Variants in NEFL observed in about 807,000 individuals in gnomAD.
NEFL encodes the protein neurofilament light chain.
Under a neutral mutation model 51.6 loss-of-function variants are expected in NEFL, and 36 were observed. The observed-to-expected ratio is 0.70, with a 90% CI of 0.53 to 0.92. NEFL has a LOEUF of 0.92. Among genes scored for constraint, NEFL ranks in the 40% least tolerant of loss-of-function variants. The probability of loss-of-function intolerance (pLI) is 0.00; values close to 1 mark genes in which losing one functional copy is unlikely to be tolerated. For missense variants in NEFL, 671 were observed against 722.0 expected, an observed-to-expected ratio of 0.93 and a Z score of 0.81; for synonymous variants, 332 against 302.5, an observed-to-expected ratio of 1.10 and a Z score of -1.01.
At position 24,952,907 on chromosome 8, in the gene NEFL, C is replaced by G. The variant is rs1476580060; in HGVS notation, c.1535G>C (p.Gly512Ala). The change falls in exon 4 of 4, where the codon GGT (glycine) becomes GCT (alanine). Residue 512 changes from glycine (G) to alanine (A), a missense_variant. Physicochemically the swap from Gly to Ala is moderately conservative, Grantham distance 60. Transcript: ENST00000610854. ...SEEAKEEEEGGEGEEGEETKE... is the reference protein window; with the variant it reads ...SEEAKEEEEGAEGEEGEETKE... ...GGTTTCCTCTCCTTCTTCACCTTCA[C>G]CTCCTTCTTCTTCTTCTTTTGCTTC... 1 of 1,604,710 alleles carries G rather than the reference C, an allele frequency of 6.2e-7. No individual in the cohort carries two copies. The highest frequency in any genetic ancestry group is 1.3e-5 in the African/African-American group (1 of 74,818).
chr8:24,955,974 T>A lies in NEFL; in HGVS notation c.542A>T (p.Glu181Val). ...CTCGGCGTCCTCGCGGCTCAGCACC[T>A]CCTCTTCATAGCGCGCCTGCAGGTT... ...LRNLQARYEE[E>V]VLSREDAEGR... The change falls in exon 1 of 4, where the codon GAG becomes GTG. Residue 181 changes from glutamate (E) to valine (V), a missense_variant. Coordinates refer to ENST00000610854, the MANE Select transcript of NEFL (RefSeq NM_006158.5). The surrounding 1 kb of genome is among the most constrained non-coding windows in gnomAD (Gnocchi z 4.0). 1 of 1,603,078 alleles carries A rather than the reference T, an allele frequency of 6.2e-7. No homozygotes were observed. Among genetic ancestry groups the A allele is most frequent in the Non-Finnish European group, 8.5e-7 (1 of 1,179,096 alleles).
At position 24,955,916 on chromosome 8, in the gene NEFL, G is replaced by A. The variant is rs746664670; in HGVS notation, c.600C>T (p.Asp200=). The A allele has an allele frequency of 1.9e-6, 3 of 1,604,956 alleles. No individual in the cohort carries two copies. Among genetic ancestry groups the A allele is most frequent in the Non-Finnish European group, 2.5e-6 (3 of 1,179,732 alleles). The change falls in exon 1 of 4, where the codon GAC becomes GAT. Residue 200 remains aspartate, a synonymous_variant. Coordinates refer to ENST00000610854, the MANE Select transcript of NEFL (RefSeq NM_006158.5). This position sits in a 1 kb window ranked among gnomAD's most constrained non-coding sequence, Gnocchi z 4.0. ...GRLMEARKGA[D]EAALARAELE... ...GCTCGGCGCGAGCGAGCGCCGCCTC[G>A]TCGGCGCCTTTGCGCGCTTCCATCA...
Position 24,953,693 on chromosome 8 carries a change from G to C in NEFL, c.1272C>G (p.Tyr424Ter). The C allele has an allele frequency of 6.2e-7, 1 of 1,614,006 alleles. No homozygotes were observed. Among genetic ancestry groups the C allele is most frequent in the Middle Eastern group, 1.6e-4 (1 of 6,062 alleles). ...GATAGGAGCTGGTCTGTAAACCGCC[G>C]TAGGCAGATCGGCCAAAGACCTGGG... ...QSSQVFGRSA[Y>*]GGLQTSSYLM... The change falls in exon 3 of 4, where the codon TAC (tyrosine) becomes TAG (stop). Residue 424 changes from tyrosine (Y) to a stop codon, truncating the protein, a stop_gained. Coordinates refer to ENST00000610854, the MANE Select transcript of NEFL (RefSeq NM_006158.5). LOFTEE classifies it high-confidence loss of function.
chr8:24,952,661 T>G lies in NEFL; in HGVS notation c.*149A>C, dbSNP rs1035203466. The G allele has an allele frequency of 2.4e-6, 3 of 1,257,716 alleles. No individual in the cohort carries two copies. The Admixed American group carries it at 7.5e-5, about 31-fold the overall frequency. The allele number at this position is 1,257,716 out of a possible 1,614,324, so 77.9% of individuals were successfully genotyped here. A position where few individuals can be genotyped will look rare whatever the true frequency, so the allele number is the denominator to read the frequency against. On this transcript the variant is annotated 3_prime_UTR_variant, in exon 4 of 4. Transcript: ENST00000610854. ...AAAGAGGAAATTCATAGCACAACAT[T>G]GAATGTCCAACCTAAGTCATCTCAG...
intron 3 of NEFL, among the ~76,000 whole-genome samples, chr8:24,953,194 A>C (rs552437389): frequency 5.3e-5 from 8 of 152,284 alleles, no homozygotes; most frequent in African/African-American, 1.9e-4. Flanking sequence ...TCCAAGACTT[A>C]ACCTCAATAT....
At position 24,951,584 on chromosome 8, in the gene NEFL, A is replaced by G. The variant is rs1421283511; in HGVS notation, c.*1226T>C. 2 of 152,522 alleles carry G rather than the reference A, an allele frequency of 1.3e-5. No individual in the cohort carries two copies. Among genetic ancestry groups the G allele is most frequent in the Admixed American group, 6.5e-5 (1 of 15,286 alleles). The allele number at this position is 152,522 out of a possible 1,614,324, so 9.4% of individuals were successfully genotyped here. ...AGTAGAGACATGCAGAGCAATGTCA[A>G]TGTAACATACAAGCATATTACCTCC... On this transcript the variant is annotated 3_prime_UTR_variant, in exon 4 of 4. Coordinates refer to ENST00000610854, the MANE Select transcript of NEFL (RefSeq NM_006158.5).
In NEFL at chr8:24,952,432, T is replaced by C. The variant is rs17052849; in HGVS notation, c.*378A>G. ...ATTGCACATAACTCAGGGTCTTTAA[T>C]TGCTAACCACCGAAGGTTCAAAGGA... is the stretch of plus-strand genomic sequence containing the variant. On this transcript the variant is annotated 3_prime_UTR_variant, in exon 4 of 4. Transcript: ENST00000610854. The C allele has an allele frequency of 0.042, 7,772 of 185,328 alleles. 275 individuals are homozygous for C. Among genetic ancestry groups the C allele is most frequent in the African/African-American group, 0.11 (4,724 of 42,686 alleles). The allele number at this position is 185,328 out of a possible 1,614,324, so 11.5% of individuals were successfully genotyped here.
rs1803026456 is a variant in NEFL at position 24,955,154 on chromosome 8, G to C, written c.1044+318C>G. 1 of 419,666 alleles carries C rather than the reference G, an allele frequency of 2.4e-6. No homozygotes were observed. The highest frequency in any genetic ancestry group is 2.0e-5 in the African/African-American group (1 of 50,684). The allele number at this position is 419,666 out of a possible 1,614,324, so 26.0% of individuals were successfully genotyped here. On this transcript the variant is annotated intron_variant, in intron 1 of 3. Transcript: ENST00000610854. This position sits in a 1 kb window ranked among gnomAD's most constrained non-coding sequence, Gnocchi z 4.0. Reference sequence around the variant, plus strand: ...GCAAAGTAACTTGTGGTTAATGCAGGTCAGTAGAGAGCTGATCTCACTGCA... The same window carrying C: ...GCAAAGTAACTTGTGGTTAATGCAGCTCAGTAGAGAGCTGATCTCACTGCA...
chr8:24,954,755 T>C (rs1563251524), intron 1 of NEFL, among the ~76,000 whole-genome samples: 1 of 152,092 alleles, frequency 6.6e-6, no homozygotes, highest in Non-Finnish European at 1.5e-5. Context: ...GTATCTAAAT[T>C]ATTTTTTCTA....
At position 24,952,795 on chromosome 8, in the gene NEFL, T is replaced by A; in HGVS notation, c.*15A>T. ...TCGGGAGAATTATTCCTGAAATAAT[T>A]AAGGAAATGGGGGTTCAATCTTTCT... On this transcript the variant is annotated 3_prime_UTR_variant, in exon 4 of 4. Coordinates refer to ENST00000610854, the MANE Select transcript of NEFL (RefSeq NM_006158.5). 6.2e-7 allele frequency: 1 copy of A among 1,613,908 alleles called. No homozygotes were observed. Among genetic ancestry groups the A allele is most frequent in the South Asian group, 1.1e-5 (1 of 91,056 alleles).
rs538481538 is a variant in NEFL, at chr8:24,955,879, T to A, written c.637A>T (p.Ile213Phe). The change falls in exon 1 of 4, where the codon ATC becomes TTC. Residue 213 changes from isoleucine (I) to phenylalanine (F), a missense_variant. Coordinates refer to ENST00000610854, the MANE Select transcript of NEFL (RefSeq NM_006158.5). This position sits in a 1 kb window ranked among gnomAD's most constrained non-coding sequence, Gnocchi z 4.0. ...GAGATTTCGTCCATCAAGCTGTCGA[T>A]GCGCTTCTCGAGCTCGGCGCGAGCG... Reference protein sequence around the residue: ...ALARAELEKRIDSLMDEISFL... With the variant: ...ALARAELEKRFDSLMDEISFL... The A allele has an allele frequency of 6.2e-7, 1 of 1,607,698 alleles. No individual in the cohort carries two copies. Among genetic ancestry groups the A allele is most frequent in the African/African-American group, 1.3e-5 (1 of 75,062 alleles).
Position 24,952,600 on chromosome 8 carries a change from A to G in NEFL, c.*210T>C, listed in dbSNP as rs935992942. ...TCCATGCACAGGCTGGCAGCAAGCC[A>G]GAAAGCCACTCTGCAAGCAAACAGA... On this transcript the variant is annotated 3_prime_UTR_variant, in exon 4 of 4. Coordinates refer to ENST00000610854, the MANE Select transcript of NEFL (RefSeq NM_006158.5). 1.2e-5 allele frequency: 9 copies of G among 720,906 alleles called. No homozygotes were observed. The highest frequency in any genetic ancestry group is 3.9e-4 in the Middle Eastern group (1 of 2,544). 44.7% of individuals were successfully genotyped at this position (720,906 alleles called of 1,614,324 possible).
rs1773687779 is a variant in NEFL, at chr8:24,952,203, C to T, written c.*607G>A. 1 of 152,440 alleles carries T rather than the reference C, an allele frequency of 6.6e-6. No individual in the cohort carries two copies. The highest frequency in any genetic ancestry group is 6.6e-5 in the Admixed American group (1 of 15,262). The allele number at this position is 152,440 out of a possible 1,614,324, so 9.4% of individuals were successfully genotyped here. A position where few individuals can be genotyped will look rare whatever the true frequency, so the allele number is the denominator to read the frequency against. ...TGTGGGGAGAGATTTCACAAGTAAT[C>T]ATGACATAACTGTATCCCTCAGAAT... On this transcript the variant is annotated 3_prime_UTR_variant, in exon 4 of 4. Coordinates refer to ENST00000610854, the MANE Select transcript of NEFL (RefSeq NM_006158.5).
Position 24,956,427 on chromosome 8 carries a change from CGCACGCTGGAGATGT to C in NEFL, c.74_88del (p.His25_Val29del). 2 of 1,602,966 alleles carry C rather than the reference CGCACGCTGGAGATGT, an allele frequency of 1.2e-6. No individual in the cohort carries two copies. Among genetic ancestry groups the C allele is most frequent in the Non-Finnish European group, 1.7e-6 (2 of 1,175,460 alleles). On this transcript the variant is annotated inframe_deletion, in exon 1 of 4. Coordinates refer to ENST00000610854, the MANE Select transcript of NEFL (RefSeq NM_006158.5). The surrounding 1 kb of genome is among the most constrained non-coding windows in gnomAD (Gnocchi z 5.9). ...TGAGCGTGCGGTGCTGTAGCCGCTG[CGCACGCTGGAGATGT>C]GCACCCGGGGCGTCTCCACGTAGCG...
Position 24,955,123 on chromosome 8 carries a change from G to A in NEFL, c.1044+349C>T, listed in dbSNP as rs934430336. 3.4e-6 allele frequency: 1 copy of A among 297,020 alleles called. No individual in the cohort carries two copies. Among genetic ancestry groups the A allele is most frequent in the African/African-American group, 2.1e-5 (1 of 46,932 alleles). 18.4% of individuals were successfully genotyped at this position (297,020 alleles called of 1,614,324 possible). A position where few individuals can be genotyped will look rare whatever the true frequency, so the allele number is the denominator to read the frequency against. ...TATTTATTAACTAGATGATCCGATA[G>A]TTGCTGCAAAGTAACTTGTGGTTAA... On this transcript the variant is annotated intron_variant, in intron 1 of 3. Transcript: ENST00000610854. This position sits in a 1 kb window ranked among gnomAD's most constrained non-coding sequence, Gnocchi z 4.0.
In NEFL at chr8:24,955,683, T is replaced by G; in HGVS notation, c.833A>C (p.Glu278Ala). The change falls in exon 1 of 4, where the codon GAA (glutamate) becomes GCA (alanine). Residue 278 changes from glutamate to alanine, a missense_variant. Transcript: ENST00000610854. This position sits in a 1 kb window ranked among gnomAD's most constrained non-coding sequence, Gnocchi z 4.0. ...CACGGTGAAGCGGCTCTTGAACCAT[T>G]CCTCAGCGTTCTGCATGTTCTTGGC... ...LAAKNMQNAE[E>A]WFKSRFTVLT... 1 of 1,613,750 alleles carries G rather than the reference T, an allele frequency of 6.2e-7. No individual in the cohort carries two copies. Among genetic ancestry groups the G allele is most frequent in the Non-Finnish European group, 8.5e-7 (1 of 1,179,832 alleles).
chr8:24,952,653 C>A lies in NEFL; in HGVS notation c.*157G>T. 2 of 1,186,506 alleles carry A rather than the reference C, an allele frequency of 1.7e-6. No homozygotes were observed. The highest frequency in any genetic ancestry group is 2.3e-6 in the Non-Finnish European group (2 of 859,936). The allele number at this position is 1,186,506 out of a possible 1,614,324, so 73.5% of individuals were successfully genotyped here. ...CTCTGCATAAAGAGGAAATTCATAG[C>A]ACAACATTGAATGTCCAACCTAAGT... On this transcript the variant is annotated 3_prime_UTR_variant, in exon 4 of 4. Transcript: ENST00000610854.
chr8:24,955,749 G>A lies in NEFL; in HGVS notation c.767C>T (p.Ala256Val), dbSNP rs775775697. 7.4e-6 allele frequency: 12 copies of A among 1,613,506 alleles called. No individual in the cohort carries two copies. The highest frequency in any genetic ancestry group is 9.3e-6 in the Non-Finnish European group (11 of 1,179,854). The change falls in exon 1 of 4, where the codon GCC (alanine) becomes GTC (valine). Residue 256 changes from alanine (A) to valine (V), a missense_variant. Coordinates refer to ENST00000610854, the MANE Select transcript of NEFL (RefSeq NM_006158.5). This position sits in a 1 kb window ranked among gnomAD's most constrained non-coding sequence, Gnocchi z 4.0. ...CTGCGCGCGGATGTCCTTGAGCGCG[G>A]CGGAAAGGTCGGGCTTGGTCACGTC... ...EMDVTKPDLS[A>V]ALKDIRAQYE...
At position 24,954,171 on chromosome 8, in the gene NEFL, C is replaced by G. The variant is rs759562840; in HGVS notation, c.1169+10G>C. On this transcript the variant is annotated intron_variant, in intron 2 of 3. Coordinates refer to ENST00000610854, the MANE Select transcript of NEFL (RefSeq NM_006158.5). Reference sequence around the variant, plus strand: ...TTTAATGGCTGCTGTCTTTGCCCCTCTATTTTCACCTGTAAGCTGCAATCT... The same window carrying G: ...TTTAATGGCTGCTGTCTTTGCCCCTGTATTTTCACCTGTAAGCTGCAATCT... The G allele has an allele frequency of 2.0e-5, 32 of 1,613,752 alleles. 2 individuals carry two copies. In the South Asian group the frequency reaches 3.3e-4, roughly 17 times the overall value.
Sources: allele counts gnomAD v4.1 joint callset (sites outside exome capture counted in the v4.1 genomes callset), GRCh38; gene constraint gnomAD v4.1.1; non-coding constraint Gnocchi (gnomAD v3.1); transcripts MANE v1.5; gene names NCBI Gene and HGNC (gene_info 2026-07-23, HGNC 2026-07-21).